ITPR2: variants seen among roughly 807,000 people sequenced by gnomAD.
ITPR2 encodes the protein inositol 1,4,5-trisphosphate receptor type 2, also known as inositol 1,4,5-trisphosphate-gated calcium channel ITPR2.
In ITPR2, 207 loss-of-function variants were observed where a neutral mutation model predicts 317.1. That is an observed-to-expected ratio of 0.65 (90% confidence interval 0.58 to 0.73). The LOEUF (loss-of-function observed/expected upper bound fraction) is 0.73. Among genes scored for constraint, ITPR2 ranks in the 30% least tolerant of loss-of-function variants. ITPR2 has a pLI of 0.00. For missense variants in ITPR2, 2,613 were observed against 3,284.0 expected (o/e 0.80, Z 4.99); for synonymous variants, 1,156 against 1,149.1 (o/e 1.01, Z -0.12).
intron 37 of ITPR2, among the ~76,000 whole-genome samples, chr12:26,538,870 C>G (rs1173949261): frequency 1.3e-5 from 2 of 152,146 alleles, no homozygotes; most frequent in Non-Finnish European, 2.9e-5. Context: ...CCACTGCGCC[C>G]GGACAGCCTG....
intron 45 of ITPR2, among the ~76,000 whole-genome samples, chr12:26,472,368 CTTT>C (rs1942310724): frequency 1.3e-5 from 2 of 152,028 alleles, no homozygotes; most frequent in Admixed American, 6.6e-5. Flanking sequence ...TTTCTCTTTA[CTTT>C]CTTTTGTTTT....
intron 2 of ITPR2, among the ~76,000 whole-genome samples, chr12:26,734,898 T>C (rs1949090848): frequency 6.6e-6 from 1 of 152,140 alleles, no homozygotes; most frequent in African/African-American, 2.4e-5. Context: ...TTTTGATTAT[T>C]ATTACTACCA....
intron 5 of ITPR2, among the ~76,000 whole-genome samples, chr12:26,719,707 C>G (rs1948800869): frequency 1.3e-5 from 2 of 152,156 alleles, no homozygotes; most frequent in South Asian, 4.1e-4. Context: ...CACCCATTAA[C>G]TCGTCATTTA....
At chr12:26,481,478 T>G (rs1239713692) in intron 42 of ITPR2, among the ~76,000 whole-genome samples, 1 of 152,242 alleles carries the variant, frequency 6.6e-6, no homozygotes, top group Non-Finnish European at 1.5e-5. Context: ...GCACGTATCT[T>G]TTAAAATGAA....
At chr12:26,722,226 A>G (rs964796685) in intron 5 of ITPR2, among the ~76,000 whole-genome samples, 171 bp downstream of exon 5, 1 of 152,216 alleles carries the variant, frequency 6.6e-6, no homozygotes, top group African/African-American at 2.4e-5. Context: ...ATGACTTCTG[A>G]GCACAATTTG....
At chr12:26,570,043 T>C (rs1201380094) in intron 34 of ITPR2, among the ~76,000 whole-genome samples, 1 of 152,198 alleles carries the variant, frequency 6.6e-6, no homozygotes, top group Admixed American at 6.5e-5. Flanking sequence ...AAGAATGAGA[T>C]ACTCACCCAT....
At chr12:26,763,343 G>T (rs903704374) in intron 2 of ITPR2, among the ~76,000 whole-genome samples, 2 of 151,990 alleles carry the variant, frequency 1.3e-5, no homozygotes, top group Non-Finnish European at 2.9e-5. Flanking sequence ...CAAAGGCAAT[G>T]AAATAGTGAA....
At chr12:26,359,372 C>A (rs541719645) in intron 55 of ITPR2, among the ~76,000 whole-genome samples, 1 of 152,188 alleles carries the variant, frequency 6.6e-6, no homozygotes, top group African/African-American at 2.4e-5. Flanking sequence ...AGAGGATGCT[C>A]AGATATACAG....
chr12:26,515,184 G>A (rs538030603), intron 37 of ITPR2, among the ~76,000 whole-genome samples: 141 of 152,290 alleles, frequency 9.3e-4, no homozygotes, highest in African/African-American at 3.1e-3. Context: ...GGAGAAAATA[G>A]GAGCTTTGCA....
chr12:26,722,302 A>G (rs2291262), intron 5 of ITPR2, 95 bp downstream of exon 5: 454,649 of 1,101,978 alleles, frequency 0.41, 102,798 homozygotes, highest in Non-Finnish European at 0.48. Flanking sequence ...AGTAAAAACT[A>G]TATTTTCTTT....
chr12:26,716,218 A>G lies in ITPR2; in HGVS notation c.550T>C (p.Leu184=), dbSNP rs1317833166. The G allele has an allele frequency of 2.5e-6, 4 of 1,612,636 alleles. No homozygotes were observed. Among genetic ancestry groups the G allele is most frequent in the Admixed American group, 1.7e-5 (1 of 59,954 alleles). The part of the protein sequence containing the change: ...DNIVVGDKVV[L]MPVNAGQPLH... ...GGCTGCCCTGCATTCACAGGCATCA[A>G]AACAACTTTATCTCCTACAACAATC... The change falls in exon 6 of 57, where the codon TTG becomes CTG. Residue 184 remains leucine (L), a synonymous_variant. Transcript: ENST00000381340.
chr12:26,419,256 T>C (rs1246235539), intron 49 of ITPR2, 43 bp from the exon 50 acceptor site: 1 of 1,564,742 alleles, frequency 6.4e-7, no homozygotes, highest in South Asian at 1.2e-5. Context: ...TTATTTATCC[T>C]GAAACCCACA....
chr12:26,827,862 T>C (rs1020289152), intron 1 of ITPR2, among the ~76,000 whole-genome samples: 5 of 152,318 alleles, frequency 3.3e-5, no homozygotes, highest in Admixed American at 6.5e-5. Context: ...GTGGAATAAA[T>C]TGTCACTAAA....
At chr12:26,739,045 T>C (rs1372671046) in intron 2 of ITPR2, among the ~76,000 whole-genome samples, 2 of 152,134 alleles carry the variant, frequency 1.3e-5, no homozygotes, top group African/African-American at 4.8e-5. Flanking sequence ...GGCTAACAAG[T>C]ACATAAAAAT....
At chr12:26,341,920 T>C (rs1938126768) in intron 55 of ITPR2, among the ~76,000 whole-genome samples, 1 of 152,188 alleles carries the variant, frequency 6.6e-6, no homozygotes, top group Non-Finnish European at 1.5e-5. Context: ...GTGGTTCTAA[T>C]ATCATTAAAG....
chr12:26,598,866 C>T (rs1214726854), intron 30 of ITPR2, among the ~76,000 whole-genome samples: 1 of 152,184 alleles, frequency 6.6e-6, no homozygotes, highest in South Asian at 2.1e-4. Flanking sequence ...ACTTTCATTC[C>T]AAACAATCGA....
At chr12:26,627,611 T>C (rs1017197808) in intron 23 of ITPR2, among the ~76,000 whole-genome samples, 5 of 152,174 alleles carry the variant, frequency 3.3e-5, no homozygotes, top group Non-Finnish European at 7.3e-5. Context: ...GGAGATTACA[T>C]CTACATTTTT....
chr12:26,671,517 C>T (rs1243496903), intron 13 of ITPR2, among the ~76,000 whole-genome samples: 1 of 151,948 alleles, frequency 6.6e-6, no homozygotes, highest in Admixed American at 6.6e-5. Context: ...TTTGTCACCA[C>T]CAGGCCTGCC....
chr12:26,458,819 A>G (rs1330231427), intron 45 of ITPR2, among the ~76,000 whole-genome samples: 1 of 152,168 alleles, frequency 6.6e-6, no homozygotes, highest in Admixed American at 6.5e-5. Context: ...CTTCCTACCT[A>G]ATGAGCTTCA....
Sources: allele counts gnomAD v4.1 joint callset (sites outside exome capture counted in the v4.1 genomes callset), GRCh38; gene constraint gnomAD v4.1.1; transcripts MANE v1.5; gene names NCBI Gene and HGNC (gene_info 2026-07-23, HGNC 2026-07-21).